Variants in SLC4A4 observed in about 807,000 individuals in gnomAD.
SLC4A4 encodes the protein solute carrier family 4 member 4.
SLC4A4 carries 27 observed loss-of-function variants against 111.5 expected under a neutral mutation model. The ratio of observed to expected loss-of-function variants is 0.24; its 90% CI spans 0.18 to 0.33. SLC4A4 has a LOEUF of 0.33. Ranked by LOEUF, SLC4A4 falls within the 10% of genes least tolerant of loss-of-function variation. SLC4A4 has a pLI of 1.00. For missense variants in SLC4A4, 909 were observed against 1,315.5 expected (o/e 0.69, Z 4.78); for synonymous variants, 443 against 463.4 (o/e 0.96, Z 0.57).
chr4:71,443,130 A>ATATG (rs1560513075), intron 8 of SLC4A4, among the ~76,000 whole-genome samples: 1 of 127,070 alleles, frequency 7.9e-6, no homozygotes, highest in East Asian at 2.3e-4. Context: ...ATATATATAT[A>ATATG]TATATATATA....
chr4:71,207,171 T>C (rs1717824446), intron 1 of SLC4A4, among the ~76,000 whole-genome samples: 1 of 152,188 alleles, frequency 6.6e-6, no homozygotes, highest in African/African-American at 2.4e-5. Context: ...ATAGATAAGA[T>C]ACTGGCAGCT....
At chr4:71,544,672 C>T (rs1464672696) in intron 18 of SLC4A4, among the ~76,000 whole-genome samples, 1 of 152,072 alleles carries the variant, frequency 6.6e-6, no homozygotes, top group Non-Finnish European at 1.5e-5. Flanking sequence ...ACACAGCAGC[C>T]AGTGTGTTTA....
At chr4:71,450,360 G>T in intron 9 of SLC4A4, 29 bp from the exon 10 acceptor site, 1 of 1,553,342 alleles carries the variant, frequency 6.4e-7, no homozygotes, top group South Asian at 1.1e-5. Context: ...TTATCTTTTT[G>T]GATGAGCACA....
intron 7 of SLC4A4, among the ~76,000 whole-genome samples, chr4:71,408,892 A>G (rs1459661687): frequency 6.6e-6 from 1 of 152,136 alleles, no homozygotes; most frequent in Non-Finnish European, 1.5e-5. Context: ...ATGTTATGGG[A>G]GTGACCCAGG....
At chr4:71,399,629 C>T (rs1350805839) in intron 7 of SLC4A4, among the ~76,000 whole-genome samples, 1 of 151,736 alleles carries the variant, frequency 6.6e-6, no homozygotes, top group African/African-American at 2.4e-5. Context: ...CATAGTTGCC[C>T]TCATTTTTCT....
intron 3 of SLC4A4, among the ~76,000 whole-genome samples, chr4:71,285,763 A>G (rs1284940178): frequency 6.6e-6 from 1 of 152,220 alleles, no homozygotes; most frequent in African/African-American, 2.4e-5. Context: ...ACTCTATTTC[A>G]AAGTTTGTAT....
At chr4:71,301,041 G>T in intron 3 of SLC4A4, 1 of 414,686 alleles carries the variant, frequency 2.4e-6, no homozygotes, top group East Asian at 6.7e-5. Context: ...GAAGGGAGAA[G>T]GTGCTTAACA....
chr4:71,116,273 C>A (rs1173613756), intron 2 of SLC4A4, among the ~76,000 whole-genome samples: 1 of 152,182 alleles, frequency 6.6e-6, no homozygotes, highest in African/African-American at 2.4e-5. Flanking sequence ...TTTAGGAAAG[C>A]AAAATGTACT....
chr4:71,491,356 C>T (rs573709557), intron 15 of SLC4A4, among the ~76,000 whole-genome samples: 11 of 151,950 alleles, frequency 7.2e-5, no homozygotes, highest in African/African-American at 1.9e-4. Flanking sequence ...GGCTACAGCA[C>T]GTCCTCAGAT....
At chr4:71,506,274 G>T (rs561412243) in intron 16 of SLC4A4, among the ~76,000 whole-genome samples, 3 of 152,174 alleles carry the variant, frequency 2.0e-5, no homozygotes, top group East Asian at 1.9e-4. Context: ...ATTGTTTTGG[G>T]CAGTATGGCC....
At chr4:71,148,518 A>C (rs1744237707) in intron 2 of SLC4A4, among the ~76,000 whole-genome samples, 1 of 152,128 alleles carries the variant, frequency 6.6e-6, no homozygotes, top group Non-Finnish European at 1.5e-5. Context: ...AGTACTCAAC[A>C]GTTATTTTTT....
At chr4:71,339,138 C>T (rs1728678226) in intron 3 of SLC4A4, 1 of 1,611,768 alleles carries the variant, frequency 6.2e-7, no homozygotes. Context: ...GAGTGCTGTC[C>T]TTCTGGAGAG....
chr4:71,454,052 A>G (rs1422420748), intron 12 of SLC4A4, among the ~76,000 whole-genome samples: 2 of 152,194 alleles, frequency 1.3e-5, no homozygotes, highest in African/African-American at 4.8e-5. Context: ...GGAATGTATG[A>G]TTAGCTTAAT....
chr4:71,085,322 T>G (rs975218290), intron 1 of SLC4A4, among the ~76,000 whole-genome samples: 1 of 152,002 alleles, frequency 6.6e-6, no homozygotes, highest in Non-Finnish European at 1.5e-5. Flanking sequence ...GTCAGATGAG[T>G]GGGTTGCAAA....
intron 15 of SLC4A4, among the ~76,000 whole-genome samples, chr4:71,495,612 T>TA (rs535194943): frequency 1.3e-5 from 2 of 152,148 alleles, no homozygotes; most frequent in East Asian, 1.9e-4. Flanking sequence ...TTGAGCTCTA[T>TA]AAAAAAATGA....
intron 3 of SLC4A4, among the ~76,000 whole-genome samples, chr4:71,260,605 CT>C (rs562673714): frequency 1.7e-4 from 26 of 152,116 alleles, no homozygotes; most frequent in Non-Finnish European, 3.1e-4. Flanking sequence ...AGTACAAAAG[CT>C]TTTTATATTA....
intron 7 of SLC4A4, among the ~76,000 whole-genome samples, chr4:71,409,843 G>T (rs1409507709): frequency 6.6e-6 from 1 of 152,182 alleles, no homozygotes; most frequent in African/African-American, 2.4e-5. Context: ...GCCACACCCG[G>T]GGTCCCCGTG....
At chr4:71,566,483 T>C (rs1363562287) in intron 24 of SLC4A4, among the ~76,000 whole-genome samples, 1 of 151,822 alleles carries the variant, frequency 6.6e-6, no homozygotes, top group Non-Finnish European at 1.5e-5. Context: ...AAAGGATAAA[T>C]TGCAAGTTGA....
intron 3 of SLC4A4, among the ~76,000 whole-genome samples, chr4:71,291,501 A>G (rs1724349622): frequency 6.6e-6 from 1 of 151,982 alleles, no homozygotes; most frequent in South Asian, 2.1e-4. Context: ...GTGCAGTGGC[A>G]AAATCATAGC....
Sources: allele counts gnomAD v4.1 joint callset (sites outside exome capture counted in the v4.1 genomes callset), GRCh38; gene constraint gnomAD v4.1.1; transcripts MANE v1.5; gene names NCBI Gene and HGNC (gene_info 2026-07-23, HGNC 2026-07-21).